The following KATNAL1 variants were observed in gnomAD, a reference collection of about 807,000 sequenced individuals.
KATNAL1 encodes the protein katanin p60 ATPase-containing subunit A-like 1.
In KATNAL1, 32 loss-of-function variants were observed where a neutral mutation model predicts 55.2. That is an observed-to-expected ratio of 0.58 (90% CI 0.44 to 0.78). The LOEUF is 0.78. KATNAL1 is among the 30% of genes least tolerant of loss of function. The pLI is 0.00. For missense variants in KATNAL1, 466 were observed against 600.9 expected, an observed-to-expected ratio of 0.78 and a Z score of 2.35; for synonymous variants, 193 against 193.6, an observed-to-expected ratio of 1.00 and a Z score of 0.02.
chr13:30,284,288 T>A (rs149332930), intron 1 of KATNAL1, among the ~76,000 whole-genome samples: 1 of 152,088 alleles, frequency 6.6e-6, no homozygotes, highest in Non-Finnish European at 1.5e-5. Context: ...ACGGAAATAA[T>A]AGGGAGAAAG....
chr13:30,228,710 G>A (rs774774777), intron 8 of KATNAL1, among the ~76,000 whole-genome samples: 6 of 152,132 alleles, frequency 3.9e-5, no homozygotes, highest in Non-Finnish European at 7.4e-5. Context: ...ATGAATAACC[G>A]TGACTGTTTT....
intron 9 of KATNAL1, among the ~76,000 whole-genome samples, chr13:30,222,912 G>A (rs1319085429): frequency 6.6e-6 from 1 of 151,946 alleles, no homozygotes; most frequent in East Asian, 1.9e-4. Context: ...GGACAACATG[G>A]CGAAACCCCG....
In KATNAL1 at chr13:30,240,439, AC is replaced by A. The variant is rs757791191; in HGVS notation, c.726+20del. On this transcript the variant is annotated intron_variant, in intron 6 of 10. Transcript: ENST00000380615. Reference sequence around the variant, plus strand: ...TGCCAAGTAGCATTCTTATATCAAAACCAATTTAATAAATTCTCACCTTCCA... The same window carrying A: ...TGCCAAGTAGCATTCTTATATCAAAACAATTTAATAAATTCTCACCTTCCA... 9.9e-6 allele frequency: 15 copies of A among 1,521,658 alleles called. No homozygotes were observed. The South Asian group carries it at 1.7e-4, about 17-fold the overall frequency. 94.3% of individuals were successfully genotyped at this position (1,521,658 alleles called of 1,614,324 possible).
chr13:30,215,097 T>G (rs1874082814), intron 9 of KATNAL1, among the ~76,000 whole-genome samples: 1 of 149,962 alleles, frequency 6.7e-6, no homozygotes, highest in Non-Finnish European at 1.5e-5. Flanking sequence ...AACAACCCCA[T>G]CAAAAAGTGG....
intron 1 of KATNAL1, among the ~76,000 whole-genome samples, chr13:30,292,276 C>T (rs374746930): frequency 1.1e-4 from 16 of 152,122 alleles, no homozygotes; most frequent in Non-Finnish European, 2.4e-4. Flanking sequence ...CCTTACTTCA[C>T]ATCACATACA....
chr13:30,303,179 T>C (rs1882968379), intron 1 of KATNAL1, among the ~76,000 whole-genome samples: 1 of 152,236 alleles, frequency 6.6e-6, no homozygotes, highest in Non-Finnish European at 1.5e-5. Flanking sequence ...TCCGTTCAGT[T>C]AGGACCACAA....
intron 3 of KATNAL1, among the ~76,000 whole-genome samples, chr13:30,258,288 G>A (rs963163467): frequency 2.0e-5 from 3 of 152,070 alleles, no homozygotes; most frequent in East Asian, 1.9e-4. Flanking sequence ...CATCTCCTTC[G>A]AAATCCAATA....
At chr13:30,281,940 A>G (rs1257480016) in intron 2 of KATNAL1, 3 of 152,210 alleles carry the variant, frequency 2.0e-5, no homozygotes, top group Non-Finnish European at 4.4e-5. Flanking sequence ...GAGCTTAAAT[A>G]ATAAGTCCTT....
chr13:30,215,902 G>A (rs1233985246), intron 9 of KATNAL1, among the ~76,000 whole-genome samples: 2 of 151,960 alleles, frequency 1.3e-5, no homozygotes, highest in Non-Finnish European at 2.9e-5. Flanking sequence ...TTGTGCACAT[G>A]TACCCTAAAA....
chr13:30,286,455 T>C (rs1162697987), intron 1 of KATNAL1, among the ~76,000 whole-genome samples: 3 of 152,236 alleles, frequency 2.0e-5, no homozygotes, highest in African/African-American at 7.2e-5. Flanking sequence ...TTTGGCAGCT[T>C]CCACATGGTG....
At chr13:30,305,527 T>C (rs956893548) in intron 1 of KATNAL1, among the ~76,000 whole-genome samples, 1 of 152,238 alleles carries the variant, frequency 6.6e-6, no homozygotes, top group Non-Finnish European at 1.5e-5. Context: ...CAGACCCACC[T>C]GGGCTGAAAT....
At chr13:30,287,028 C>G (rs997599971) in intron 1 of KATNAL1, among the ~76,000 whole-genome samples, 2 of 152,212 alleles carry the variant, frequency 1.3e-5, no homozygotes, top group Non-Finnish European at 2.9e-5. Flanking sequence ...CCCCTTATAT[C>G]TAGAAAGTAA....
intron 3 of KATNAL1, among the ~76,000 whole-genome samples, chr13:30,261,872 T>C (rs1221530908): frequency 6.6e-6 from 1 of 151,922 alleles, no homozygotes; most frequent in Non-Finnish European, 1.5e-5. Flanking sequence ...GCGGACCTAA[T>C]AGACATCTAC....
At chr13:30,283,494 G>C (rs184991204) in intron 2 of KATNAL1, 122 bp downstream of exon 2, 8 of 711,480 alleles carry the variant, frequency 1.1e-5, no homozygotes, top group Admixed American at 2.7e-5. Flanking sequence ...ATGTATTTCA[G>C]TATTGAGATA....
At chr13:30,217,224 G>C (rs567558144) in intron 9 of KATNAL1, among the ~76,000 whole-genome samples, 1 of 152,168 alleles carries the variant, frequency 6.6e-6, no homozygotes, top group Non-Finnish European at 1.5e-5. Context: ...AGGCCGAGGC[G>C]GGAGGATCAT....
chr13:30,300,084 A>C (rs1882765476), intron 1 of KATNAL1, among the ~76,000 whole-genome samples: 1 of 152,182 alleles, frequency 6.6e-6, no homozygotes. Context: ...TGTATCCAGA[A>C]CCCAATCCCA....
rs1437813229 is a variant in KATNAL1 at position 30,206,624 on chromosome 13, G to C, written c.*1916C>G. On this transcript the variant is annotated 3_prime_UTR_variant, in exon 11 of 11. Transcript: ENST00000380615. ...TAACTAATCAACTATTGTTAGGCTG[G>C]TGCAAAAGTAATTGCGGTTTTTGCC... 1.3e-5 allele frequency: 2 copies of C among 151,828 alleles called. No individual in the cohort carries two copies. Among genetic ancestry groups the C allele is most frequent in the Non-Finnish European group, 2.9e-5 (2 of 67,930 alleles). The allele number at this position is 151,828 out of a possible 1,614,324, so 9.4% of individuals were successfully genotyped here. A position where few individuals can be genotyped will look rare whatever the true frequency, so the allele number is the denominator to read the frequency against.
chr13:30,231,546 A>C, intron 6 of KATNAL1, 74 bp from the exon 7 acceptor site: 1 of 930,166 alleles, frequency 1.1e-6, no homozygotes, highest in Non-Finnish European at 1.5e-6. Context: ...TCAGCTATTA[A>C]TGTACATTGA....
chr13:30,222,969 C>A (rs913645096), intron 9 of KATNAL1, among the ~76,000 whole-genome samples: 4 of 151,562 alleles, frequency 2.6e-5, no homozygotes, highest in Non-Finnish European at 5.9e-5. Context: ...GTGGCACATG[C>A]CTGTAGTCCC....
Sources: allele counts gnomAD v4.1 joint callset (sites outside exome capture counted in the v4.1 genomes callset), GRCh38; gene constraint gnomAD v4.1.1; transcripts MANE v1.5; gene names NCBI Gene and HGNC (gene_info 2026-07-23, HGNC 2026-07-21).